The following PRDX6 variants were observed in gnomAD, a reference collection of about 807,000 sequenced individuals.
PRDX6 encodes the protein peroxiredoxin 6.
Under a neutral mutation model 20.0 loss-of-function variants are expected in PRDX6, and 13 were observed. The ratio of observed to expected loss-of-function variants is 0.65; its 90% CI spans 0.42 to 1.03. The LOEUF is 1.03. PRDX6 is among the 50% of genes least tolerant of loss of function. The pLI, the probability that PRDX6 is intolerant of heterozygous loss-of-function variation, is 0.00. For synonymous variants in PRDX6, 85 were observed against 100.8 expected, an observed-to-expected ratio of 0.84 and a Z score of 0.94; for missense variants, 203 against 276.9, an observed-to-expected ratio of 0.73 and a Z score of 1.89.
At chr1:173,481,259 T>A (rs780681684) in intron 1 of PRDX6, 67 bp from the exon 2 acceptor site, 2 of 1,459,300 alleles carry the variant, frequency 1.4e-6, no homozygotes, top group Non-Finnish European at 9.4e-7. Flanking sequence ...AAGTTGTGAC[T>A]TTTCATTCTC....
rs549581249 is a variant in PRDX6, at chr1:173,481,529, G to A, written c.252+47G>A. On this transcript the variant is annotated intron_variant, in intron 2 of 4. Transcript: ENST00000340385. ...CTTTGAGCCTGAGATTATAGGTCAA[G>A]TTATAAATTATGGAGTACTTGGTTT... The A allele has an allele frequency of 1.9e-5, 30 of 1,579,332 alleles. No homozygotes were observed. In the African/African-American group the frequency reaches 3.1e-4, roughly 16 times the overall value.
At position 173,481,416 on chromosome 1, in the gene PRDX6, C is replaced by T. The variant is rs773452101; in HGVS notation, c.186C>T (p.Ala62=). ...GRAAKLAPEF[A]KRNVKLIALS... ...CTGCAAAGCTGGCACCAGAATTTGC[C>T]AAGAGGAATGTTAAGTTGATTGCCC... Residue 62 remains alanine (A), a synonymous_variant, in exon 2 of 5, where the codon GCC becomes GCT. Transcript: ENST00000340385. 1.9e-6 allele frequency: 3 copies of T among 1,613,922 alleles called. No individual in the cohort carries two copies. Among genetic ancestry groups the T allele is most frequent in the Non-Finnish European group, 2.5e-6 (3 of 1,179,902 alleles).
chr1:173,487,077 C>T (rs1318494625), intron 4 of PRDX6, among the ~76,000 whole-genome samples: 2 of 152,170 alleles, frequency 1.3e-5, no homozygotes, highest in Non-Finnish European at 2.9e-5. Flanking sequence ...AATAGAAAGT[C>T]CTTGCCCTCA....
At chr1:173,481,128 G>A (rs1018819547) in intron 1 of PRDX6, 198 bp from the exon 2 acceptor site, 6 of 559,336 alleles carry the variant, frequency 1.1e-5, no homozygotes, top group South Asian at 2.3e-5. Flanking sequence ...GATTGAATTG[G>A]GCTATAAGCA....
intron 4 of PRDX6, 100 bp downstream of exon 4, chr1:173,486,501 T>C (rs1396922953): frequency 8.6e-6 from 11 of 1,283,168 alleles, no homozygotes; most frequent in Non-Finnish European, 1.1e-5. Flanking sequence ...AGCACGCAAG[T>C]ACACTGGGAG....
At position 173,487,802 on chromosome 1, in the gene PRDX6, G is replaced by T; in HGVS notation, c.614G>T (p.Gly205Val). ...GAAGCCAAAAAACTTTTCCCGAAAG[G>T]AGTCTTCACCAAAGAGCTCCCATCT... Reference protein sequence around the residue: ...EEEAKKLFPKGVFTKELPSGK... With the variant: ...EEEAKKLFPKVVFTKELPSGK... The change falls in exon 5 of 5, where the codon GGA (glycine) becomes GTA (valine). Residue 205 changes from glycine to valine, a missense_variant. Physicochemically the swap from Gly to Val is moderately radical, Grantham distance 109. Transcript: ENST00000340385. The T allele has an allele frequency of 6.2e-7, 1 of 1,613,990 alleles. No individual in the cohort carries two copies. Among genetic ancestry groups the T allele is most frequent in the Non-Finnish European group, 8.5e-7 (1 of 1,180,004 alleles).
Position 173,477,360 on chromosome 1 carries a change from G to C in PRDX6, c.-38G>C, listed in dbSNP as rs984819667. The stretch of plus-strand genomic sequence containing the variant: ...GCTTCTTCGCCAGAACCAACCGGTT[G>C]CTTGCTGTCCCAGCGGCGCCCCCTC... On this transcript the variant is annotated 5_prime_UTR_variant, in exon 1 of 5. Transcript: ENST00000340385. 4.0e-6 allele frequency: 6 copies of C among 1,486,344 alleles called. No homozygotes were observed. The highest frequency in any genetic ancestry group is 5.5e-6 in the Non-Finnish European group (6 of 1,088,680). The allele number at this position is 1,486,344 out of a possible 1,614,324, so 92.1% of individuals were successfully genotyped here.
chr1:173,482,359 A>T (rs1008957999), intron 2 of PRDX6, among the ~76,000 whole-genome samples: 5 of 152,114 alleles, frequency 3.3e-5, no homozygotes, highest in Middle Eastern at 3.4e-3. Context: ...TCTGCATACT[A>T]CCTATTTAGT....
chr1:173,481,221 TA>T (rs1557996478), intron 1 of PRDX6, 104 bp from the exon 2 acceptor site: 2 of 1,168,584 alleles, frequency 1.7e-6, no homozygotes, highest in Non-Finnish European at 2.4e-6. Flanking sequence ...AGCATTCATT[TA>T]AAAAAGAAAG....
intron 1 of PRDX6, among the ~76,000 whole-genome samples, chr1:173,479,162 T>C (rs1227438659): frequency 6.6e-6 from 1 of 152,206 alleles, no homozygotes; most frequent in Non-Finnish European, 1.5e-5. Flanking sequence ...CATACTTTTT[T>C]GGGGTTTTGT....
In PRDX6 at chr1:173,477,376, GCGCCCCCTC is replaced by G. The variant is rs1658710225; in HGVS notation, c.-21_-13del. On this transcript the variant is annotated 5_prime_UTR_variant, in exon 1 of 5. Transcript: ENST00000340385. ...CAACCGGTTGCTTGCTGTCCCAGCG[GCGCCCCCTC>G]ATCACCGTCGCCATGCCCGGAGGTC... The G allele has an allele frequency of 3.1e-6, 5 of 1,593,048 alleles. No homozygotes were observed. Among genetic ancestry groups the G allele is most frequent in the Non-Finnish European group, 4.3e-6 (5 of 1,167,640 alleles).
chr1:173,487,224 G>T (rs983190056), intron 4 of PRDX6, among the ~76,000 whole-genome samples: 1 of 152,200 alleles, frequency 6.6e-6, no homozygotes, highest in Non-Finnish European at 1.5e-5. Context: ...GTCAAGGAAT[G>T]CCTGTCTATG....
At chr1:173,478,918 T>C (rs1323114641) in intron 1 of PRDX6, among the ~76,000 whole-genome samples, 3 of 152,204 alleles carry the variant, frequency 2.0e-5, no homozygotes, top group African/African-American at 7.2e-5. Flanking sequence ...AAAAATACTT[T>C]AGAAATACAG....
rs1388334617 is a variant in PRDX6 at position 173,487,778 on chromosome 1, A to C, written c.590A>C (p.Glu197Ala). Reference protein sequence around the residue: ...VMVLPTIPEEEAKKLFPKGVF... With the variant: ...VMVLPTIPEEAAKKLFPKGVF... Reference sequence around the variant, plus strand: ...GTCCTTCCAACCATCCCTGAAGAAGAAGCCAAAAAACTTTTCCCGAAAGGA... The same window carrying C: ...GTCCTTCCAACCATCCCTGAAGAAGCAGCCAAAAAACTTTTCCCGAAAGGA... Residue 197 changes from glutamate to alanine, a missense_variant, in exon 5 of 5, where the codon GAA becomes GCA. Coordinates refer to ENST00000340385, the MANE Select transcript of PRDX6 (RefSeq NM_004905.3). The C allele has an allele frequency of 6.2e-6, 10 of 1,614,052 alleles. No homozygotes were observed. Among genetic ancestry groups the C allele is most frequent in the East Asian group, 2.2e-5 (1 of 44,896 alleles).
chr1:173,481,189 C>A (rs1658795228), intron 1 of PRDX6, 137 bp from the exon 2 acceptor site: 1 of 885,884 alleles, frequency 1.1e-6, no homozygotes, highest in Non-Finnish European at 1.7e-6. Context: ...AACAGAAAAG[C>A]TTAAAAGTAA....
intron 2 of PRDX6, among the ~76,000 whole-genome samples, chr1:173,482,808 A>G (rs554276503): frequency 2.2e-4 from 34 of 152,142 alleles, no homozygotes; most frequent in African/African-American, 8.2e-4. Flanking sequence ...TTGAAGTAGA[A>G]TTTTTTTTCA....
At chr1:173,484,175 TATAC>T (rs376716938) in intron 2 of PRDX6, among the ~76,000 whole-genome samples, 18,942 of 134,680 alleles carry the variant, frequency 0.14, 1,769 homozygotes, top group East Asian at 0.29. Context: ...TATTTATATA[TATAC>T]ACACACACAC....
chr1:173,484,160 A>ATT, intron 2 of PRDX6, among the ~76,000 whole-genome samples: 2 of 127,648 alleles, frequency 1.6e-5, no homozygotes, highest in Admixed American at 1.5e-4. Flanking sequence ...ATTTATATAT[A>ATT]TATATATTTA....
intron 1 of PRDX6, 150 bp from the exon 2 acceptor site, chr1:173,481,176 C>G: frequency 1.3e-6 from 1 of 766,436 alleles, no homozygotes; most frequent in Non-Finnish European, 2.1e-6. Context: ...AAAAGCACTC[C>G]TCAACAGAAA....
Sources: gnomAD v4.1 joint callset for allele counts (sites outside exome capture counted in the v4.1 genomes callset) on GRCh38, gnomAD v4.1.1 for gene constraint, MANE v1.5 for transcripts, NCBI Gene and HGNC (gene_info 2026-07-23, HGNC 2026-07-21) for gene names.